NLRC5: variants seen among roughly 807,000 people sequenced by gnomAD.
NLRC5 encodes protein NLRC5.
A neutral mutation model predicts 206.9 loss-of-function variants in NLRC5; 114 were observed. That is an observed-to-expected ratio of 0.55 (90% CI 0.47 to 0.64). The LOEUF is 0.64. Ranked by LOEUF, NLRC5 falls within the 30% of genes least tolerant of loss-of-function variation. NLRC5 has a pLI of 0.00. For missense variants in NLRC5, 2,008 were observed against 2,305.5 expected, an observed-to-expected ratio of 0.87 and a Z score of 2.64; for synonymous variants, 952 against 962.8, an observed-to-expected ratio of 0.99 and a Z score of 0.21.
intron 20 of NLRC5, among the ~76,000 whole-genome samples, chr16:57,044,311 A>AAAAAAG (rs2063669733): frequency 6.6e-6 from 1 of 151,540 alleles, no homozygotes; most frequent in South Asian, 2.1e-4. Flanking sequence ...TCTCAAAAAA[A>AAAAAAG]AAAAGAAAAG....
chr16:57,080,468 G>A (rs1424507251), intron 46 of NLRC5, among the ~76,000 whole-genome samples: 1 of 143,832 alleles, frequency 7.0e-6, no homozygotes, highest in Non-Finnish European at 1.5e-5. Flanking sequence ...AGCAATAAAA[G>A]TTTCCTTTCA....
Position 57,043,520 on chromosome 16 carries a change from G to A in NLRC5, c.3119G>A (p.Ser1040Asn). The change falls in exon 20 of 49, where the codon AGT becomes AAT. Residue 1040 changes from serine to asparagine, a missense_variant. Ser to Asn is a conservative substitution (Grantham distance 46). Coordinates refer to ENST00000688547, the MANE Select transcript of NLRC5 (RefSeq NM_001384950.1). ...GCCACCCCTGTGATCTCCAGCCTCA[G>A]TGAGAACGGTTTGTCCCTGGATGCC... ...GLGALQSLNL[S>N]ENGLSLDAVL... The A allele has an allele frequency of 4.3e-6, 7 of 1,614,094 alleles. No individual in the cohort carries two copies. Among genetic ancestry groups the A allele is most frequent in the South Asian group, 1.1e-5 (1 of 91,082 alleles).
At chr16:57,029,911 C>T in intron 9 of NLRC5, 55 bp downstream of exon 9, 1 of 1,605,854 alleles carries the variant, frequency 6.2e-7, no homozygotes, top group Non-Finnish European at 8.5e-7. Context: ...ACCTGATTCA[C>T]CCCACTCCCT....
intron 4 of NLRC5, 44 bp from the exon 5 acceptor site, chr16:57,023,741 G>A (rs760073461): frequency 1.3e-6 from 2 of 1,557,540 alleles, no homozygotes; most frequent in Non-Finnish European, 1.8e-6. Context: ...CCTCAGCCCA[G>A]ATCCCCAGAC....
intron 15 of NLRC5, among the ~76,000 whole-genome samples, chr16:57,038,803 C>T (rs62037269): frequency 0.14 from 21,209 of 151,676 alleles, 1,798 homozygotes; most frequent in African/African-American, 0.22. Context: ...GGCATGGTGG[C>T]GTGCACCTGT....
At chr16:57,079,936 G>A (rs1276977587) in intron 46 of NLRC5, among the ~76,000 whole-genome samples, 2 of 152,162 alleles carry the variant, frequency 1.3e-5, no homozygotes, top group African/African-American at 4.8e-5. Flanking sequence ...TTCCTTTTGG[G>A]AGGCAACTGG....
chr16:57,028,421 G>A lies in NLRC5; in HGVS notation c.2243+36G>A, dbSNP rs1286260516. 3.9e-6 allele frequency: 6 copies of A among 1,525,702 alleles called. No individual in the cohort carries two copies. The Admixed American group carries it at 6.7e-5, about 17-fold the overall frequency. The allele number at this position is 1,525,702 out of a possible 1,614,324, so 94.5% of individuals were successfully genotyped here. Reference sequence around the variant, plus strand: ...TCCAGGAGGGCTCACTGACTGGGGAGATGAGCCACTGCCCAGGTCCCAGAG... The same window carrying A: ...TCCAGGAGGGCTCACTGACTGGGGAAATGAGCCACTGCCCAGGTCCCAGAG... On this transcript the variant is annotated intron_variant, in intron 8 of 48. Coordinates refer to ENST00000688547, the MANE Select transcript of NLRC5 (RefSeq NM_001384950.1).
intron 1 of NLRC5, among the ~76,000 whole-genome samples, chr16:57,012,657 G>A (rs1312252726): frequency 6.6e-6 from 1 of 152,166 alleles, no homozygotes; most frequent in Non-Finnish European, 1.5e-5. Flanking sequence ...TAAATGTAAT[G>A]AGCTTGAATC....
chr16:57,024,234 C>T (rs2142993776), intron 5 of NLRC5, among the ~76,000 whole-genome samples: 1 of 152,162 alleles, frequency 6.6e-6, no homozygotes, highest in East Asian at 1.9e-4. Context: ...GTGAGGAGGC[C>T]TGGGAGAAAC....
chr16:57,047,779 A>G, intron 23 of NLRC5, 151 bp downstream of exon 23: 1 of 675,670 alleles, frequency 1.5e-6, no homozygotes, highest in South Asian at 1.7e-5. Flanking sequence ...TTTGGTAGAA[A>G]CTTGGCTGTC....
At chr16:57,062,036 A>T (rs1283224897) in intron 32 of NLRC5, 1 of 1,378,808 alleles carries the variant, frequency 7.3e-7, no homozygotes, top group Non-Finnish European at 9.5e-7. Flanking sequence ...ATTTTAAAAC[A>T]CTCAGAAAAA....
intron 19 of NLRC5, 54 bp from the exon 20 acceptor site, chr16:57,043,461 A>T: frequency 1.5e-6 from 2 of 1,310,060 alleles, no homozygotes; most frequent in Non-Finnish European, 2.2e-6. Context: ...GACCACAAAG[A>T]GGATGTGTTT....
At chr16:56,997,352 A>G (rs1233080479) in intron 1 of NLRC5, among the ~76,000 whole-genome samples, 1 of 152,114 alleles carries the variant, frequency 6.6e-6, no homozygotes, top group Non-Finnish European at 1.5e-5. Flanking sequence ...GCCAATGAGC[A>G]TTGGCTGCGG....
chr16:57,067,877 C>G, intron 36 of NLRC5, 49 bp downstream of exon 36: 1 of 1,384,072 alleles, frequency 7.2e-7, no homozygotes, highest in Non-Finnish European at 1.0e-6. Context: ...TCTGCCCTGC[C>G]CTGACACCTC....
intron 46 of NLRC5, among the ~76,000 whole-genome samples, chr16:57,080,058 G>A (rs80026202): frequency 1.8e-4 from 27 of 152,116 alleles, no homozygotes; most frequent in African/African-American, 6.0e-4. Flanking sequence ...GGCCGTGCTT[G>A]GCTGTCTCTT....
chr16:57,081,285 C>T, intron 47 of NLRC5, 104 bp downstream of exon 47: 1 of 1,182,624 alleles, frequency 8.5e-7, no homozygotes, highest in Non-Finnish European at 1.2e-6. Flanking sequence ...GAAAGCCCTT[C>T]CTTGAGTTGC....
intron 46 of NLRC5, among the ~76,000 whole-genome samples, chr16:57,080,511 G>T: frequency 1.5e-5 from 2 of 132,348 alleles, no homozygotes; most frequent in Non-Finnish European, 1.6e-5. Context: ...TTGAGATGGA[G>T]TCTCCCTCTG....
chr16:57,066,459 C>A, intron 33 of NLRC5, 75 bp from the exon 34 acceptor site: 2 of 1,291,214 alleles, frequency 1.5e-6, no homozygotes, highest in Non-Finnish European at 2.2e-6. Flanking sequence ...GAGTTGGAGC[C>A]GGGCAGCCCA....
At chr16:57,060,476 A>G (rs2066310371) in intron 30 of NLRC5, among the ~76,000 whole-genome samples, 1 of 151,080 alleles carries the variant, frequency 6.6e-6, no homozygotes, top group Non-Finnish European at 1.5e-5. Flanking sequence ...AGCACACACA[A>G]CACACAAACG....
Sources: gnomAD v4.1 joint callset for allele counts (sites outside exome capture counted in the v4.1 genomes callset) on GRCh38, gnomAD v4.1.1 for gene constraint, MANE v1.5 for transcripts, NCBI Gene and HGNC (gene_info 2026-07-23, HGNC 2026-07-21) for gene names.